TMEM132D: variants seen among roughly 807,000 people sequenced by gnomAD.
TMEM132D encodes the protein mature OL transmembrane protein.
Under a neutral mutation model 62.3 loss-of-function variants are expected in TMEM132D, and 21 were observed. The ratio of observed to expected loss-of-function variants is 0.34; its 90% CI spans 0.24 to 0.49. The LOEUF (loss-of-function observed/expected upper bound fraction) is 0.49, where lower values mean the gene tolerates loss of function less well. TMEM132D is among the 20% of genes least tolerant of loss of function. The pLI, the probability that TMEM132D is intolerant of heterozygous loss-of-function variation, is 0.99. For synonymous variants in TMEM132D, 621 were observed against 575.6 expected (o/e 1.08, Z -1.13); for missense variants, 1,346 against 1,402.8 (o/e 0.96, Z 0.65).
intron 5 of TMEM132D, among the ~76,000 whole-genome samples, chr12:129,187,262 T>C (rs1346621343): frequency 6.6e-6 from 1 of 152,150 alleles, no homozygotes; most frequent in Non-Finnish European, 1.5e-5. Context: ...TGGACTGTTA[T>C]ATAAGAGGTA....
intron 3 of TMEM132D, among the ~76,000 whole-genome samples, chr12:129,378,892 A>G (rs1208175175): frequency 6.6e-6 from 1 of 152,172 alleles, no homozygotes; most frequent in South Asian, 2.1e-4. Context: ...AGAGAGGAAA[A>G]TAACAAATGC....
intron 4 of TMEM132D, among the ~76,000 whole-genome samples, chr12:129,333,540 T>C (rs1869181038): frequency 2.0e-5 from 3 of 152,202 alleles, no homozygotes. Context: ...CTATATCCAA[T>C]GCATTGGGAA....
chr12:129,382,741 A>G lies in TMEM132D; in HGVS notation c.1116-44924T>C, dbSNP rs573935443. 2.0e-5 allele frequency among the ~76,000 whole-genome samples: 3 copies of G among 152,284 alleles called. No homozygotes were observed. In the East Asian group the frequency reaches 5.8e-4, roughly 29 times the overall value. The stretch of plus-strand genomic sequence containing the variant: ...TTATGAATACAGAGGCTTTTGAAAA[A>G]GTCAAAAGTGAGATTTGAGGTGAAC... On this transcript the variant is annotated intron_variant, in intron 3 of 8. Transcript: ENST00000422113.
intron 2 of TMEM132D, among the ~76,000 whole-genome samples, chr12:129,625,940 CTCT>C (rs1479305443): frequency 1.3e-5 from 2 of 152,142 alleles, no homozygotes; most frequent in African/African-American, 2.4e-5. Context: ...ACGTGTATGA[CTCT>C]TCTTCAATTT....
chr12:129,178,528 A>G (rs901183560), intron 5 of TMEM132D, among the ~76,000 whole-genome samples: 2 of 150,820 alleles, frequency 1.3e-5, no homozygotes, highest in South Asian at 4.2e-4. Context: ...TCTCTAATGG[A>G]GATCTCTGAC....
intron 2 of TMEM132D, among the ~76,000 whole-genome samples, chr12:129,544,745 A>G (rs981238226): frequency 7.9e-5 from 12 of 152,234 alleles, no homozygotes; most frequent in African/African-American, 2.9e-4. Context: ...GAAAAAATAA[A>G]AACTCACAGA....
At chr12:129,637,526 T>C (rs920908789) in intron 2 of TMEM132D, among the ~76,000 whole-genome samples, 3 of 152,262 alleles carry the variant, frequency 2.0e-5, no homozygotes, top group Middle Eastern at 6.8e-3. Context: ...GTCAAAAGCG[T>C]GTGGTACCTT....
Position 129,536,072 on chromosome 12 carries a change from A to G in TMEM132D, c.969-4867T>C, listed in dbSNP as rs116853143. 5.9e-3 allele frequency among the ~76,000 whole-genome samples: 901 copies of G among 152,350 alleles called. 37 individuals carry two copies. The South Asian group carries it at 0.092, about 16-fold the overall frequency. The stretch of plus-strand genomic sequence containing the variant: ...GAGGAAGGAAGATACGAAGAGATCC[A>G]AACTTCTGGACTGCTTCTCTCACTT... On this transcript the variant is annotated intron_variant, in intron 2 of 8. Transcript: ENST00000422113.
intron 5 of TMEM132D, among the ~76,000 whole-genome samples, chr12:129,181,820 G>A (rs1413368506): frequency 6.6e-6 from 1 of 152,166 alleles, no homozygotes. Context: ...CTATGTAGAA[G>A]TGACAATTCC....
chr12:129,551,362 TG>T (rs1157058635), intron 2 of TMEM132D, among the ~76,000 whole-genome samples: 6 of 152,238 alleles, frequency 3.9e-5, no homozygotes, highest in African/African-American at 1.4e-4. Context: ...CTGCCTGCCC[TG>T]GGTCTGCACA....
chr12:129,665,682 G>A (rs901355881), intron 2 of TMEM132D, among the ~76,000 whole-genome samples: 2 of 152,124 alleles, frequency 1.3e-5, no homozygotes, highest in African/African-American at 4.8e-5. Context: ...TATGGGTAGA[G>A]ACTTGCTATG....
At chr12:129,217,733 G>A (rs77374153) in intron 4 of TMEM132D, among the ~76,000 whole-genome samples, 8,806 of 150,390 alleles carry the variant, frequency 0.059, 515 homozygotes, top group East Asian at 0.31. Flanking sequence ...ATTTTTTACA[G>A]AGGTTAGCTG....
intron 5 of TMEM132D, among the ~76,000 whole-genome samples, chr12:129,087,954 C>T (rs796906301): frequency 0.017 from 1,658 of 97,674 alleles, 324 homozygotes; most frequent in African/African-American, 0.065. Context: ...GGGTGTCCTC[C>T]CTGACCGGGG....
At chr12:129,837,976 C>T (rs536355498) in intron 1 of TMEM132D, among the ~76,000 whole-genome samples, 26 of 152,116 alleles carry the variant, frequency 1.7e-4, no homozygotes, top group African/African-American at 6.3e-4. Flanking sequence ...TTTTCTTTCT[C>T]TCTTCAGACA....
intron 3 of TMEM132D, among the ~76,000 whole-genome samples, chr12:129,434,643 C>T (rs1473376293): frequency 6.6e-6 from 1 of 150,442 alleles, no homozygotes; most frequent in African/African-American, 2.4e-5. Context: ...GAGACGCAGA[C>T]ATTTTTAAAG....
intron 2 of TMEM132D, among the ~76,000 whole-genome samples, chr12:129,592,036 A>T (rs1393514249): frequency 6.6e-6 from 1 of 152,202 alleles, no homozygotes; most frequent in Non-Finnish European, 1.5e-5. Flanking sequence ...AGGCTAATAA[A>T]GTTTTTTTCT....
Position 129,371,852 on chromosome 12 carries a change from C to T in TMEM132D, c.1116-34035G>A, listed in dbSNP as rs1199621639. Among the ~76,000 whole-genome samples the T allele has an allele frequency of 1.3e-5, 2 of 152,200 alleles. No individual in the cohort carries two copies. The highest frequency in any genetic ancestry group is 4.8e-5 in the African/African-American group (2 of 41,450). On this transcript the variant is annotated intron_variant, in intron 3 of 8. Coordinates refer to ENST00000422113, the MANE Select transcript of TMEM132D (RefSeq NM_133448.3). The surrounding 1 kb of genome is among the most constrained non-coding windows in gnomAD (Gnocchi z 4.3). ...TGTCCCCATGTTTCTTGCTGTGTCA[C>T]ATCCATGAGTTGTGAGGCATGTTCT...
At chr12:129,187,796 C>T (rs1387258581) in intron 5 of TMEM132D, among the ~76,000 whole-genome samples, 2 of 152,218 alleles carry the variant, frequency 1.3e-5, no homozygotes, top group African/African-American at 2.4e-5. Context: ...GATTTACCTG[C>T]ACTTACTGCT....
At chr12:129,243,036 T>C (rs1879978348) in intron 4 of TMEM132D, among the ~76,000 whole-genome samples, 1 of 152,228 alleles carries the variant, frequency 6.6e-6, no homozygotes, top group Non-Finnish European at 1.5e-5. Flanking sequence ...CTGCAAAGTC[T>C]AGATATAGCT....
Sources: allele counts gnomAD v4.1 joint callset (sites outside exome capture counted in the v4.1 genomes callset), GRCh38; gene constraint gnomAD v4.1.1; non-coding constraint Gnocchi (gnomAD v3.1); transcripts MANE v1.5; gene names NCBI Gene and HGNC (gene_info 2026-07-23, HGNC 2026-07-21).